Variants in TBCK observed in about 807,000 individuals in gnomAD.
TBCK encodes the protein TBC1 domain containing kinase.
In TBCK, 99 loss-of-function variants were observed where a neutral mutation model predicts 113.4. That is an observed-to-expected ratio of 0.87 (90% CI 0.74 to 1.03). TBCK has a LOEUF of 1.03. TBCK is among the 50% of genes least tolerant of loss of function. TBCK has a pLI of 0.00. For synonymous variants in TBCK, 369 were observed against 370.8 expected (o/e 1.00, Z 0.05); for missense variants, 1,045 against 1,061.3 (o/e 0.98, Z 0.21).
intron 20 of TBCK, among the ~76,000 whole-genome samples, chr4:106,199,388 C>T (rs1218201049): frequency 6.6e-6 from 1 of 151,958 alleles, no homozygotes; most frequent in Admixed American, 6.6e-5. Context: ...TTGTTGGTTC[C>T]TCTTCCTCTC....
chr4:106,137,437 G>A (rs1746688620), intron 23 of TBCK, among the ~76,000 whole-genome samples: 3 of 139,880 alleles, frequency 2.1e-5, no homozygotes, highest in Admixed American at 2.1e-4. Flanking sequence ...TCATGCAAGA[G>A]GGGGTACAGG....
intron 20 of TBCK, among the ~76,000 whole-genome samples, chr4:106,208,409 CTTT>C (rs35298308): frequency 4.4e-5 from 6 of 137,768 alleles, no homozygotes; most frequent in Admixed American, 7.3e-5. Context: ...TGAGTGGTGC[CTTT>C]TTTTTTTTTT....
At position 106,236,531 on chromosome 4, in the gene TBCK, A is replaced by C. The variant is rs747690554; in HGVS notation, c.1221-12T>G. The C allele has an allele frequency of 6.8e-7, 1 of 1,474,618 alleles. No homozygotes were observed. The highest frequency in any genetic ancestry group is 2.5e-5 in the East Asian group (1 of 40,754). The allele number at this position is 1,474,618 out of a possible 1,614,324, so 91.3% of individuals were successfully genotyped here. A position where few individuals can be genotyped will look rare whatever the true frequency, so the allele number is the denominator to read the frequency against. On this transcript the variant is annotated splice_polypyrimidine_tract_variant and intron_variant, in intron 13 of 25. Coordinates refer to ENST00000394708, the MANE Select transcript of TBCK (RefSeq NM_001163435.3). ...GTAAATTAGACTGGCTGTAAAAGAG[A>C]ACAAAAGCAATAAAAAAAAAAAATG...
At chr4:106,216,665 A>T (rs1385694022) in intron 19 of TBCK, among the ~76,000 whole-genome samples, 1 of 152,236 alleles carries the variant, frequency 6.6e-6, no homozygotes, top group Non-Finnish European at 1.5e-5. Context: ...AGACTAAACC[A>T]GGAAGAAGTT....
chr4:106,278,984 C>T (rs57013982), intron 3 of TBCK, among the ~76,000 whole-genome samples: 2,050 of 152,194 alleles, frequency 0.013, 53 homozygotes, highest in African/African-American at 0.046. Context: ...TAGTTGTAAT[C>T]CTTCTACCCT....
intron 19 of TBCK, among the ~76,000 whole-genome samples, chr4:106,216,959 A>C (rs1289930209): frequency 1.3e-5 from 2 of 152,192 alleles, no homozygotes; most frequent in Non-Finnish European, 2.9e-5. Flanking sequence ...ATTGATGCAA[A>C]AATCCTCAAT....
At chr4:106,282,948 C>A (rs1231268610) in intron 3 of TBCK, among the ~76,000 whole-genome samples, 1 of 152,054 alleles carries the variant, frequency 6.6e-6, no homozygotes, top group African/African-American at 2.4e-5. Context: ...TGCCAACAAC[C>A]TTTATCAGCT....
At chr4:106,077,465 T>A (rs1001095207) in intron 25 of TBCK, among the ~76,000 whole-genome samples, 3 of 152,100 alleles carry the variant, frequency 2.0e-5, no homozygotes, top group African/African-American at 7.2e-5. Context: ...AGTAAAGGAA[T>A]GGAGAAAGAT....
At chr4:106,273,910 T>C (rs1436957876) in intron 3 of TBCK, among the ~76,000 whole-genome samples, 1 of 152,230 alleles carries the variant, frequency 6.6e-6, no homozygotes. Context: ...ACTAATAAAA[T>C]GTTCCAACTT....
rs758647919 is a variant in TBCK, at chr4:106,135,440, A to G, written c.2236-19062T>C. 3.9e-4 allele frequency among the ~76,000 whole-genome samples: 38 copies of G among 96,872 alleles called. 6 individuals carry two copies. Among genetic ancestry groups the G allele is most frequent in the Non-Finnish European group, 9.0e-4 (34 of 37,670 alleles). 63.6% of individuals were successfully genotyped at this position (96,872 alleles called of 152,430 possible). ...GTCTGGCTCTGGAGAATGTACACTT[A>G]ACCACATCACTACCCTGCCTCTCTT... On this transcript the variant is annotated intron_variant, in intron 23 of 25. Transcript: ENST00000394708.
intron 25 of TBCK, among the ~76,000 whole-genome samples, chr4:106,074,666 G>C (rs1405910574): frequency 6.6e-6 from 1 of 152,136 alleles, no homozygotes; most frequent in Non-Finnish European, 1.5e-5. Flanking sequence ...TTAGCCCTAA[G>C]AATAAACTGA....
intron 23 of TBCK, among the ~76,000 whole-genome samples, chr4:106,143,063 G>A (rs910500627): frequency 5.3e-5 from 8 of 152,088 alleles, no homozygotes; most frequent in African/African-American, 1.9e-4. Flanking sequence ...TTTTACCAAC[G>A]ATAACAATAA....
At chr4:106,115,716 T>A (rs990258230) in intron 24 of TBCK, among the ~76,000 whole-genome samples, 13 of 152,358 alleles carry the variant, frequency 8.5e-5, no homozygotes, top group Middle Eastern at 3.4e-3. Flanking sequence ...GATGTTACAG[T>A]ATGTTCAATA....
At chr4:106,220,520 A>T (rs1399265125) in intron 19 of TBCK, among the ~76,000 whole-genome samples, 1 of 152,078 alleles carries the variant, frequency 6.6e-6, no homozygotes, top group African/African-American at 2.4e-5. Flanking sequence ...TACACAGAAG[A>T]GCTTCAGGGC....
chr4:106,081,194 G>A (rs1413414143), intron 25 of TBCK, among the ~76,000 whole-genome samples: 1 of 152,074 alleles, frequency 6.6e-6, no homozygotes, highest in Non-Finnish European at 1.5e-5. Context: ...TATGCCCAAA[G>A]GAATATAAAT....
intron 25 of TBCK, among the ~76,000 whole-genome samples, chr4:106,066,813 A>C (rs1736697269): frequency 6.6e-6 from 1 of 152,100 alleles, no homozygotes; most frequent in African/African-American, 2.4e-5. Context: ...ACTTAGCATA[A>C]TATTTACATG....
intron 22 of TBCK, among the ~76,000 whole-genome samples, chr4:106,182,087 C>T (rs1025487384): frequency 3.9e-5 from 6 of 151,984 alleles, no homozygotes; most frequent in African/African-American, 1.4e-4. Flanking sequence ...CCTTCACATC[C>T]CTTGTAAGTT....
chr4:106,228,290 G>A (rs11097923), intron 19 of TBCK, among the ~76,000 whole-genome samples: 146,051 of 151,544 alleles, frequency 0.96, 70,671 homozygotes, highest in Middle Eastern at 1. Flanking sequence ...ATTATTAACT[G>A]TAGTCACCCT....
intron 1 of TBCK, among the ~76,000 whole-genome samples, chr4:106,311,320 T>C (rs1768173382): frequency 6.6e-6 from 1 of 151,872 alleles, no homozygotes; most frequent in Non-Finnish European, 1.5e-5. Flanking sequence ...ACAATTTAAA[T>C]GTCCAATGGT....
Sources: allele counts gnomAD v4.1 joint callset (sites outside exome capture counted in the v4.1 genomes callset), GRCh38; gene constraint gnomAD v4.1.1; transcripts MANE v1.5; gene names NCBI Gene and HGNC (gene_info 2026-07-23, HGNC 2026-07-21).